Variants in SORCS1 observed in about 807,000 individuals in gnomAD.
SORCS1 encodes VPS10 domain-containing receptor SorCS1.
Under a neutral mutation model 146.1 loss-of-function variants are expected in SORCS1, and 60 were observed. The ratio of observed to expected loss-of-function variants is 0.41; its 90% confidence interval spans 0.33 to 0.51. The LOEUF (loss-of-function observed/expected upper bound fraction) is 0.51. Ranked by LOEUF, SORCS1 falls within the 20% of genes least tolerant of loss-of-function variation. SORCS1 has a pLI of 0.21. For synonymous variants in SORCS1, 637 were observed against 584.0 expected, an observed-to-expected ratio of 1.09 and a Z score of -1.31; for missense variants, 1,352 against 1,487.6, an observed-to-expected ratio of 0.91 and a Z score of 1.50.
At chr10:107,059,969 A>G (rs1263510822) in intron 1 of SORCS1, among the ~76,000 whole-genome samples, 2 of 152,166 alleles carry the variant, frequency 1.3e-5, no homozygotes, top group African/African-American at 2.4e-5. Flanking sequence ...GTACATTAGA[A>G]TGCCAGAGAT....
intron 2 of SORCS1, among the ~76,000 whole-genome samples, chr10:106,931,446 G>A (rs1251731444): frequency 6.6e-6 from 1 of 152,216 alleles, no homozygotes; most frequent in Non-Finnish European, 1.5e-5. Context: ...GAAGAGCATG[G>A]AAGCGGGTGG....
intron 23 of SORCS1, among the ~76,000 whole-genome samples, chr10:106,599,978 C>T (rs1846144212): frequency 6.6e-6 from 1 of 152,006 alleles, no homozygotes; most frequent in African/African-American, 2.4e-5. Context: ...TTAGCAGAGA[C>T]AGTGTTTCAC....
chr10:107,081,260 A>G (rs965091651), intron 1 of SORCS1, among the ~76,000 whole-genome samples: 4 of 152,218 alleles, frequency 2.6e-5, no homozygotes, highest in Non-Finnish European at 4.4e-5. Context: ...TTCCTGAAAT[A>G]CGTCTCAGGT....
intron 3 of SORCS1, among the ~76,000 whole-genome samples, chr10:106,806,471 G>T (rs1564680447): frequency 6.8e-6 from 1 of 148,052 alleles, no homozygotes; most frequent in Admixed American, 6.7e-5. Flanking sequence ...TATAAATCCT[G>T]AGAGACTACA....
chr10:107,072,271 C>A (rs1962494090), intron 1 of SORCS1, among the ~76,000 whole-genome samples: 2 of 152,190 alleles, frequency 1.3e-5, no homozygotes, highest in Admixed American at 1.3e-4. Flanking sequence ...AGAGGCCTCT[C>A]CAGCTTCCCA....
chr10:107,020,903 T>C lies in SORCS1; in HGVS notation c.559-64323A>G, dbSNP rs185095051. Among the ~76,000 whole-genome samples, 69 of 152,294 alleles carry C rather than the reference T, an allele frequency of 4.5e-4. 4 individuals carry two copies. In the East Asian group the frequency reaches 0.012, roughly 26 times the overall value. ...TTCACTTTTCCTGTCTCTATATACA[T>C]TGTACACGCTTTTATTTATAGATAT... On this transcript the variant is annotated intron_variant, in intron 1 of 25. Coordinates refer to ENST00000263054, the MANE Select transcript of SORCS1 (RefSeq NM_052918.5).
In SORCS1 at chr10:107,094,967, G is replaced by A. The variant is rs532005309; in HGVS notation, c.558+69002C>T. On this transcript the variant is annotated intron_variant, in intron 1 of 25. Coordinates refer to ENST00000263054, the MANE Select transcript of SORCS1 (RefSeq NM_052918.5). ...CATTGCCTGATCTTCTGGAACATGG[G>A]AGAAGGCAGTCTTTCAGAGTGTCTC... Among the ~76,000 whole-genome samples the A allele has an allele frequency of 1.0e-3, 155 of 152,312 alleles. 1 individual carries two copies. Among genetic ancestry groups the A allele is most frequent in the Middle Eastern group, 3.4e-3 (1 of 294 alleles).
At chr10:106,832,729 A>G (rs906537389) in intron 2 of SORCS1, among the ~76,000 whole-genome samples, 2 of 152,194 alleles carry the variant, frequency 1.3e-5, no homozygotes, top group African/African-American at 4.8e-5. Flanking sequence ...AAATACTGCT[A>G]TATTAATAAA....
chr10:107,147,817 T>C (rs1968458388), intron 1 of SORCS1, among the ~76,000 whole-genome samples: 1 of 152,138 alleles, frequency 6.6e-6, no homozygotes. Context: ...AGAAACTCAC[T>C]ATTAATTGGA....
intron 3 of SORCS1, among the ~76,000 whole-genome samples, chr10:106,809,025 G>T (rs1051346180): frequency 6.6e-6 from 1 of 152,142 alleles, no homozygotes; most frequent in South Asian, 2.1e-4. Context: ...CCCTTTTACC[G>T]CCAGTTGTAA....
At chr10:107,098,499 T>C (rs1375711944) in intron 1 of SORCS1, among the ~76,000 whole-genome samples, 1 of 152,194 alleles carries the variant, frequency 6.6e-6, no homozygotes, top group Non-Finnish European at 1.5e-5. Context: ...GCTATCTCCA[T>C]AAAAGATCTG....
chr10:107,063,510 A>T (rs1306912915), intron 1 of SORCS1, among the ~76,000 whole-genome samples: 1 of 152,162 alleles, frequency 6.6e-6, no homozygotes, highest in Non-Finnish European at 1.5e-5. Context: ...ATCCAGAAAA[A>T]CCAATTCTCA....
chr10:106,801,787 C>T (rs1226126276), intron 3 of SORCS1, among the ~76,000 whole-genome samples: 1 of 152,130 alleles, frequency 6.6e-6, no homozygotes, highest in Non-Finnish European at 1.5e-5. Context: ...TCCTTGGCCT[C>T]CCAAAGTGCT....
intron 3 of SORCS1, among the ~76,000 whole-genome samples, chr10:106,801,655 G>A (rs536982351): frequency 6.7e-6 from 1 of 150,108 alleles, no homozygotes; most frequent in African/African-American, 2.5e-5. Flanking sequence ...TCAGCCTCCC[G>A]AGTAGCTGGG....
rs1844605249 is a variant in SORCS1 at position 106,576,956 on chromosome 10, C to T, written c.*464G>A. The T allele has an allele frequency of 8.0e-6, 2 of 249,448 alleles. No homozygotes were observed. The highest frequency in any genetic ancestry group is 9.6e-5 in the South Asian group (2 of 20,734). 15.5% of individuals were successfully genotyped at this position (249,448 alleles called of 1,614,324 possible). ...GTTATGAATTTTCTACAAACACGAC[C>T]GATCAGAAAAAAGAGAGAGAAGAAG... On this transcript the variant is annotated 3_prime_UTR_variant, in exon 26 of 26. Coordinates refer to ENST00000263054, the MANE Select transcript of SORCS1 (RefSeq NM_052918.5).
chr10:106,806,331 G>T (rs1426440111), intron 3 of SORCS1, among the ~76,000 whole-genome samples: 2 of 150,506 alleles, frequency 1.3e-5, no homozygotes, highest in East Asian at 3.9e-4. Context: ...TCAGGCCATT[G>T]TACTCCAGCC....
intron 3 of SORCS1, among the ~76,000 whole-genome samples, chr10:106,787,440 TA>T (rs1946106676): frequency 6.6e-6 from 1 of 152,174 alleles, no homozygotes; most frequent in Non-Finnish European, 1.5e-5. Context: ...CAGGCCCACA[TA>T]AAACCATCTA....
At chr10:107,051,809 A>G (rs931754474) in intron 1 of SORCS1, among the ~76,000 whole-genome samples, 1 of 152,198 alleles carries the variant, frequency 6.6e-6, no homozygotes, top group Non-Finnish European at 1.5e-5. Context: ...AGACACGCTA[A>G]TTCATGAAAG....
At chr10:107,141,891 C>T (rs1291235840) in intron 1 of SORCS1, among the ~76,000 whole-genome samples, 2 of 152,186 alleles carry the variant, frequency 1.3e-5, no homozygotes, top group African/African-American at 4.8e-5. Flanking sequence ...ATCAAAAACA[C>T]CAGCATTCAC....
Sources: gnomAD v4.1 joint callset for allele counts (sites outside exome capture counted in the v4.1 genomes callset) on GRCh38, gnomAD v4.1.1 for gene constraint, MANE v1.5 for transcripts, NCBI Gene and HGNC (gene_info 2026-07-23, HGNC 2026-07-21) for gene names.